The following RBMS1 variants were observed in gnomAD, a reference collection of about 807,000 sequenced individuals.
RBMS1 encodes RNA-binding motif, single-stranded-interacting protein 1.
A neutral mutation model predicts 62.3 loss-of-function variants in RBMS1; 17 were observed. The ratio of observed to expected loss-of-function variants is 0.27; its 90% CI spans 0.19 to 0.41. The LOEUF (loss-of-function observed/expected upper bound fraction) is 0.41, where lower values mean the gene tolerates loss of function less well. RBMS1 is among the 10% of genes least tolerant of loss of function. The pLI is 1.00. For missense variants in RBMS1, 334 were observed against 504.5 expected (o/e 0.66, Z 3.24); for synonymous variants, 172 against 170.0 (o/e 1.01, Z -0.09).
At chr2:160,321,674 A>G (rs1448261887) in intron 2 of RBMS1, among the ~76,000 whole-genome samples, 8 of 152,174 alleles carry the variant, frequency 5.3e-5, no homozygotes, top group African/African-American at 7.2e-5. Flanking sequence ...GTCTCTCTCC[A>G]TATCTCTTTT....
intron 2 of RBMS1, among the ~76,000 whole-genome samples, chr2:160,361,791 T>C (rs1012992474): frequency 1.3e-5 from 2 of 152,180 alleles, no homozygotes; most frequent in African/African-American, 4.8e-5. Context: ...GAATAGCCAC[T>C]GCACGCCAGC....
intron 1 of RBMS1, among the ~76,000 whole-genome samples, chr2:160,424,609 T>C (rs1696571370): frequency 6.6e-6 from 1 of 152,250 alleles, no homozygotes; most frequent in African/African-American, 2.4e-5. Flanking sequence ...AACTGAATTT[T>C]AAACTGCTGT....
At chr2:160,444,059 G>T (rs1683537118) in intron 1 of RBMS1, among the ~76,000 whole-genome samples, 1 of 152,200 alleles carries the variant, frequency 6.6e-6, no homozygotes, top group African/African-American at 2.4e-5. Flanking sequence ...TGGATTTCTT[G>T]TTATGAATGA....
chr2:160,425,032 GCTCC>G (rs2105275959), intron 1 of RBMS1, among the ~76,000 whole-genome samples: 1 of 152,016 alleles, frequency 6.6e-6, no homozygotes, highest in South Asian at 2.1e-4. Context: ...CTTAATTTTG[GCTCC>G]TAAATGGAAT....
intron 1 of RBMS1, among the ~76,000 whole-genome samples, chr2:160,461,832 C>T (rs934768899): frequency 5.3e-5 from 8 of 152,212 alleles, no homozygotes; most frequent in Admixed American, 2.0e-4. Context: ...GAGAGAGTTT[C>T]GTTGCCCTTG....
chr2:160,296,527 G>T (rs72969038), intron 6 of RBMS1, among the ~76,000 whole-genome samples: 1 of 152,152 alleles, frequency 6.6e-6, no homozygotes, highest in African/African-American at 2.4e-5. Flanking sequence ...GAGCTACGGC[G>T]GAATAAATAC....
At chr2:160,400,291 T>A (rs564781444) in intron 1 of RBMS1, among the ~76,000 whole-genome samples, 3 of 148,724 alleles carry the variant, frequency 2.0e-5, no homozygotes, top group Non-Finnish European at 4.5e-5. Context: ...TGCACATGTA[T>A]CTCGGAACTG....
chr2:160,295,129 T>C (rs908579867), intron 6 of RBMS1, among the ~76,000 whole-genome samples: 3 of 152,214 alleles, frequency 2.0e-5, no homozygotes, highest in Non-Finnish European at 4.4e-5. Context: ...CTGAATTCAC[T>C]GTGCCAGTGT....
intron 2 of RBMS1, 47 bp downstream of exon 2, chr2:160,367,169 C>T: frequency 1.3e-6 from 2 of 1,568,228 alleles, no homozygotes; most frequent in Non-Finnish European, 8.8e-7. Flanking sequence ...ATAATATGAT[C>T]AAGAAAATAC....
intron 4 of RBMS1, among the ~76,000 whole-genome samples, chr2:160,304,747 AATGT>A (rs770921174): frequency 2.0e-5 from 3 of 152,352 alleles, no homozygotes; most frequent in African/African-American, 7.2e-5. Flanking sequence ...ACAGCTGCAT[AATGT>A]ATGTGTTTTA....
Position 160,374,110 on chromosome 2 carries a change from A to C in RBMS1, c.76-6719T>G, listed in dbSNP as rs549781804. ...TAACATAGCAGGACCCTGACTCTAC[A>C]AAAAAAATTTGGTGGCACACGCCTG... On this transcript the variant is annotated intron_variant, in intron 1 of 13. Transcript: ENST00000348849. Among the ~76,000 whole-genome samples, 5 of 152,018 alleles carry C rather than the reference A, an allele frequency of 3.3e-5. No homozygotes were observed. The South Asian group carries it at 1.0e-3, about 32-fold the overall frequency.
At chr2:160,290,455 A>T (rs932251111) in intron 6 of RBMS1, among the ~76,000 whole-genome samples, 3 of 152,294 alleles carry the variant, frequency 2.0e-5, no homozygotes, top group South Asian at 2.1e-4. Context: ...ATTACAAATA[A>T]TTCTGACAAA....
intron 2 of RBMS1, among the ~76,000 whole-genome samples, chr2:160,360,730 T>C (rs1693082965): frequency 6.6e-6 from 1 of 152,208 alleles, no homozygotes; most frequent in Non-Finnish European, 1.5e-5. Context: ...AAGACTGAGA[T>C]GTCATCTCCT....
At position 160,313,156 on chromosome 2, in the gene RBMS1, C is replaced by T. The variant is rs184047152; in HGVS notation, c.402G>A (p.Lys134=). The change falls in exon 4 of 14, where the codon AAG becomes AAA. Residue 134 remains lysine (K), a splice_region_variant and synonymous_variant. Coordinates refer to ENST00000348849, the MANE Select transcript of RBMS1 (RefSeq NM_016836.4). ...AAGCAATTGCTGGCTCTCAACTCACCTTTGCCATTTGAGCTTGAACCCCAC... is the reference window on the plus strand; with the variant it reads ...AAGCAATTGCTGGCTCTCAACTCACTTTTGCCATTTGAGCTTGAACCCCAC... ...KASGVQAQMA[K]QQEQDPTNLY... 2 of 1,613,276 alleles carry T rather than the reference C, an allele frequency of 1.2e-6. No individual in the cohort carries two copies. Among genetic ancestry groups the T allele is most frequent in the East Asian group, 2.2e-5 (1 of 44,814 alleles).
intron 1 of RBMS1, among the ~76,000 whole-genome samples, chr2:160,378,737 G>A (rs1559472252): frequency 1.3e-5 from 2 of 152,058 alleles, no homozygotes; most frequent in Admixed American, 6.6e-5. Flanking sequence ...GCCTACCCAT[G>A]GTCATGTCTC....
intron 4 of RBMS1, among the ~76,000 whole-genome samples, chr2:160,304,231 T>C (rs1689366094): frequency 6.6e-6 from 1 of 152,184 alleles, no homozygotes; most frequent in African/African-American, 2.4e-5. Flanking sequence ...TGTCAGTCAC[T>C]ACTGCTTCAG....
intron 1 of RBMS1, among the ~76,000 whole-genome samples, chr2:160,389,683 G>A (rs1324910830): frequency 4.1e-5 from 4 of 97,630 alleles, no homozygotes; most frequent in Non-Finnish European, 7.2e-5. Flanking sequence ...AGGCAACAGA[G>A]CAAGACTCTT....
chr2:160,330,176 T>C (rs1691177436), intron 2 of RBMS1, among the ~76,000 whole-genome samples: 1 of 152,260 alleles, frequency 6.6e-6, no homozygotes, highest in East Asian at 1.9e-4. Flanking sequence ...AATAAAAAAA[T>C]CATTATTTGC....
chr2:160,454,367 G>T (rs187617530), intron 1 of RBMS1, among the ~76,000 whole-genome samples: 1 of 152,176 alleles, frequency 6.6e-6, no homozygotes, highest in Non-Finnish European at 1.5e-5. Context: ...AGATGCTAAA[G>T]ATACTAAAGA....
Sources: allele counts gnomAD v4.1 joint callset (sites outside exome capture counted in the v4.1 genomes callset), GRCh38; gene constraint gnomAD v4.1.1; transcripts MANE v1.5; gene names NCBI Gene and HGNC (gene_info 2026-07-23, HGNC 2026-07-21).